LTBP4: variants seen among roughly 807,000 people sequenced by gnomAD.
The protein encoded by LTBP4 is latent transforming growth factor beta binding protein 4.
A neutral mutation model predicts 180.2 loss-of-function variants in LTBP4; 93 were observed. The observed-to-expected ratio is 0.52, with a 90% CI of 0.44 to 0.61. The LOEUF (loss-of-function observed/expected upper bound fraction) is 0.61, where lower values mean the gene tolerates loss of function less well. Ranked by LOEUF, LTBP4 falls within the 20% of genes least tolerant of loss-of-function variation. The pLI is 0.00. For missense variants in LTBP4, 2,116 were observed against 2,256.5 expected (o/e 0.94, Z 1.26); for synonymous variants, 947 against 934.5 (o/e 1.01, Z -0.24).
chr19:40,624,684 C>T (rs540885024), intron 26 of LTBP4, among the ~76,000 whole-genome samples: 1 of 152,262 alleles, frequency 6.6e-6, no homozygotes, highest in South Asian at 2.1e-4. Context: ...CAGGTGTGAG[C>T]CACCACACCT....
intron 1 of LTBP4, among the ~76,000 whole-genome samples, chr19:40,602,426 C>T (rs1276487155): frequency 1.3e-5 from 2 of 152,036 alleles, no homozygotes; most frequent in African/African-American, 2.4e-5. Flanking sequence ...ATCGGGCCTT[C>T]CTGCCCCCTA....
Position 40,601,575 on chromosome 19 carries a change from C to A in LTBP4, c.188C>A (p.Ala63Asp). ...RCTPTCAPRN[A>D]TSVDSGAPGG... ...ACCCCGACCTGCGCGCCCCGCAACG[C>A]CACCAGCGTGGACAGCGGCGCTCCC... The change falls in exon 1 of 30, where the codon GCC (alanine) becomes GAC (aspartate). Residue 63 changes from alanine to aspartate, a missense_variant. This residue lies in a region of LTBP4 where 469 missense variants were observed against 532.5 expected (regional missense o/e 0.88). Transcript: ENST00000396819. 1.4e-6 allele frequency: 2 copies of A among 1,467,030 alleles called. No homozygotes were observed. The highest frequency in any genetic ancestry group is 1.8e-6 in the Non-Finnish European group (2 of 1,115,142). 90.9% of individuals were successfully genotyped at this position (1,467,030 alleles called of 1,614,324 possible). A position where few individuals can be genotyped will look rare whatever the true frequency, so the allele number is the denominator to read the frequency against.
In LTBP4 at chr19:40,593,828, C is replaced by T. The variant is rs568455757; in HGVS notation, c.16+647C>T. Among the ~76,000 whole-genome samples, 6 of 151,722 alleles carry T rather than the reference C, an allele frequency of 4.0e-5. No individual in the cohort carries two copies. The South Asian group carries it at 1.2e-3, about 32-fold the overall frequency. On this transcript the variant is annotated intron_variant, in intron 1 of 32. Transcript: ENST00000204005. ...CTTTTTTTTGAGACAGGGTCTTTCTCTGTTGCCCGGGTTGGAGTGCAGTGG... is the reference window on the plus strand; with the variant it reads ...CTTTTTTTTGAGACAGGGTCTTTCTTTGTTGCCCGGGTTGGAGTGCAGTGG...
At position 40,623,466 on chromosome 19, in the gene LTBP4, C is replaced by T. The variant is rs1013486003; in HGVS notation, c.3557-138C>T. On this transcript the variant is annotated intron_variant, in intron 24 of 29. Transcript: ENST00000396819. ...CTGGGATTTCAGGCATGAGCCACCG[C>T]TCCTGGCCTCTCCATCTTTCTTTCC... is the stretch of plus-strand genomic sequence containing the variant. The T allele has an allele frequency of 7.9e-6, 9 of 1,136,296 alleles. No homozygotes were observed. The African/African-American group carries it at 1.2e-4, about 16-fold the overall frequency. 70.4% of individuals were successfully genotyped at this position (1,136,296 alleles called of 1,614,324 possible).
At chr19:40,614,183 C>G in intron 18 of LTBP4, 132 bp from the exon 19 acceptor site, 1 of 1,443,716 alleles carries the variant, frequency 6.9e-7, no homozygotes, top group Non-Finnish European at 9.4e-7. Flanking sequence ...CCCAACTCTC[C>G]TCTACCCCAA....
rs2081664406 is a variant in LTBP4, at chr19:40,629,642, C to T, written c.*92C>T. On this transcript the variant is annotated 3_prime_UTR_variant, in exon 30 of 30. Coordinates refer to ENST00000396819, the MANE Select transcript of LTBP4 (RefSeq NM_001042545.2). This position sits in a 1 kb window ranked among gnomAD's most constrained non-coding sequence, Gnocchi z 4.5. ...CCGCTTATGCGTATGTGCACGGGGC[C>T]GCCCGCCTGGACCTGGAGAAGGGAC... The T allele has an allele frequency of 3.2e-6, 4 of 1,238,284 alleles. No homozygotes were observed. The highest frequency in any genetic ancestry group is 4.1e-6 in the Non-Finnish European group (4 of 974,754). The allele number at this position is 1,238,284 out of a possible 1,614,324, so 76.7% of individuals were successfully genotyped here.
intron 19 of LTBP4, among the ~76,000 whole-genome samples, chr19:40,616,299 AAG>A (rs1328731633): frequency 7.0e-6 from 1 of 143,350 alleles, no homozygotes; most frequent in Non-Finnish European, 1.5e-5. Flanking sequence ...ATTTAAAAAA[AAG>A]AAAAAAAAGC....
chr19:40,601,404 G>C lies in LTBP4; in HGVS notation c.17G>C (p.Arg6Pro). MAGGV[R>P]LLWVSLLVLL... is the part of the protein sequence containing the mutation. ...GCTGCAGCCATGGCGGGCGGCGTGC[G>C]GCTGCTCTGGGTGTCGCTATTGGTG... The change falls in exon 1 of 30, where the codon CGG (arginine) becomes CCG (proline). Residue 6 changes from arginine (R) to proline (P), a missense_variant. This residue lies in a region of LTBP4 where 469 missense variants were observed against 532.5 expected (regional missense o/e 0.88). Coordinates refer to ENST00000396819, the MANE Select transcript of LTBP4 (RefSeq NM_001042545.2). 1 of 1,339,292 alleles carries C rather than the reference G, an allele frequency of 7.5e-7. No homozygotes were observed. The highest frequency in any genetic ancestry group is 9.6e-7 in the Non-Finnish European group (1 of 1,038,542). 83.0% of individuals were successfully genotyped at this position (1,339,292 alleles called of 1,614,324 possible). A position where few individuals can be genotyped will look rare whatever the true frequency, so the allele number is the denominator to read the frequency against.
Position 40,611,881 on chromosome 19 carries a change from C to T in LTBP4, c.2076C>T (p.Ser692=), listed in dbSNP as rs1174388799. The T allele has an allele frequency of 1.2e-6, 2 of 1,607,830 alleles. No individual in the cohort carries two copies. The highest frequency in any genetic ancestry group is 1.3e-5 in the African/African-American group (1 of 74,766). ...PCQDVDECAR[S]PPPCTYGRCE... Reference sequence around the variant, plus strand: ...CAGATGTGGATGAGTGTGCCCGAAGCCCCCCACCCTGCACCTACGGCCGGT... The same window carrying T: ...CAGATGTGGATGAGTGTGCCCGAAGTCCCCCACCCTGCACCTACGGCCGGT... The change falls in exon 14 of 30, where the codon AGC becomes AGT. Residue 692 remains serine, a synonymous_variant. Transcript: ENST00000396819. The surrounding 1 kb of genome is among the most constrained non-coding windows in gnomAD (Gnocchi z 4.4).
chr19:40,619,324 C>T, intron 21 of LTBP4, 23 bp from the exon 22 acceptor site: 1 of 1,610,710 alleles, frequency 6.2e-7, no homozygotes, highest in Non-Finnish European at 8.5e-7. Context: ...GAGTCCCTCT[C>T]CCCTGTTGTC....
intron 22 of LTBP4, among the ~76,000 whole-genome samples, chr19:40,620,973 C>T (rs556636684): frequency 6.6e-6 from 1 of 151,114 alleles, no homozygotes; most frequent in Non-Finnish European, 1.5e-5. Context: ...CGGAGTTTTG[C>T]TCTTGTTGCC....
chr19:40,625,687 A>G (rs549778084), intron 26 of LTBP4, among the ~76,000 whole-genome samples, 170 bp from the exon 27 acceptor site: 10 of 152,126 alleles, frequency 6.6e-5, no homozygotes, highest in African/African-American at 1.9e-4. Flanking sequence ...TTGTTCCTCA[A>G]TCCAGAACCC....
At chr19:40,602,419 G>C (rs528585722) in intron 1 of LTBP4, among the ~76,000 whole-genome samples, 2 of 152,122 alleles carry the variant, frequency 1.3e-5, no homozygotes, top group South Asian at 2.1e-4. Flanking sequence ...CTCTGGGATC[G>C]GGCCTTCCTG....
chr19:40,627,812 T>G lies in LTBP4; in HGVS notation c.4474T>G (p.Cys1492Gly), dbSNP rs1329042374. ...CGTCCCCGAAGGCTTCACCTGCCGT[T>G]GCTTCGACGGCTACCGCCTGGACAT... is the stretch of plus-strand genomic sequence containing the variant. ...VRVPEGFTCR[C>G]FDGYRLDMTR... Residue 1492 changes from cysteine to glycine, a missense_variant, in exon 29 of 30, where the codon TGC (cysteine) becomes GGC (glycine). This residue lies in a region of LTBP4 where 488 missense variants were observed against 458.8 expected (regional missense o/e 1.06). Transcript: ENST00000396819. 6.4e-7 allele frequency: 1 copy of G among 1,572,128 alleles called. No homozygotes were observed. Among genetic ancestry groups the G allele is most frequent in the Non-Finnish European group, 8.6e-7 (1 of 1,164,040 alleles).
In LTBP4 at chr19:40,608,503, C is replaced by T; in HGVS notation, c.1326C>T (p.Arg442=). The change falls in exon 9 of 30, where the codon CGC becomes CGT. Residue 442 remains arginine (R), a synonymous_variant. Transcript: ENST00000396819. ...TATCAGGCTTTCTGCCCACCCATCG[C>T]CTGGAGCCCCGGCCTGAACCCCGGC... ...RPSAGFLPTH[R]LEPRPEPRPD... 3.7e-6 allele frequency: 6 copies of T among 1,605,522 alleles called. No homozygotes were observed. The highest frequency in any genetic ancestry group is 5.1e-6 in the Non-Finnish European group (6 of 1,176,248).
In LTBP4 at chr19:40,625,918, G is replaced by C; in HGVS notation, c.3894G>C (p.Arg1298=). Reference sequence around the variant, plus strand: ...CTGACCTCGTGTGCAGCCACCCTCGGCTGGACCGTCAGGCCACCTACACAG... The same window carrying C: ...CTGACCTCGTGTGCAGCCACCCTCGCCTGGACCGTCAGGCCACCTACACAG... The part of the protein sequence containing the change: ...VGADLVCSHP[R]LDRQATYTEC... The change falls in exon 27 of 30, where the codon CGG becomes CGC. Residue 1298 remains arginine, a synonymous_variant. Transcript: ENST00000396819. 2 of 1,603,784 alleles carry C rather than the reference G, an allele frequency of 1.2e-6. No individual in the cohort carries two copies.
Position 40,611,790 on chromosome 19 carries a change from G to A in LTBP4, c.2054-69G>A. On this transcript the variant is annotated intron_variant, in intron 13 of 29. Transcript: ENST00000396819. This position sits in a 1 kb window ranked among gnomAD's most constrained non-coding sequence, Gnocchi z 4.4. ...GCAGGCTCAAGACTGGAATGCTGGG[G>A]TGGGTGGTGATGGCCATGGGAATGG... 6.5e-7 allele frequency: 1 copy of A among 1,541,680 alleles called. No individual in the cohort carries two copies.
Position 40,601,419 on chromosome 19 carries a change from C to A in LTBP4, c.32C>A (p.Ser11Ter), listed in dbSNP as rs1035134389. 9.1e-6 allele frequency: 13 copies of A among 1,422,602 alleles called. No homozygotes were observed. Among genetic ancestry groups the A allele is most frequent in the Non-Finnish European group, 9.2e-6 (10 of 1,086,160 alleles). 88.1% of individuals were successfully genotyped at this position (1,422,602 alleles called of 1,614,324 possible). The change falls in exon 1 of 30, where the codon TCG becomes TAG. Residue 11 changes from serine (S) to a stop codon, truncating the protein, a stop_gained. Coordinates refer to ENST00000396819, the MANE Select transcript of LTBP4 (RefSeq NM_001042545.2). LOFTEE classifies it high-confidence loss of function. Reference protein sequence around the residue: MAGGVRLLWVSLLVLLAQLGP... With the variant: MAGGVRLLWV The stretch of plus-strand genomic sequence containing the variant: ...GGCGGCGTGCGGCTGCTCTGGGTGT[C>A]GCTATTGGTGCTGCTGGCGCAGCTA...
intron 11 of LTBP4, 157 bp from the exon 12 acceptor site, chr19:40,610,375 C>G: frequency 2.4e-6 from 2 of 817,590 alleles, no homozygotes; most frequent in South Asian, 3.6e-5. Flanking sequence ...ACAATTGCCT[C>G]TCTCACTGTG....
Sources: gnomAD v4.1 joint callset for allele counts (sites outside exome capture counted in the v4.1 genomes callset) on GRCh38, gnomAD v4.1.1 for gene constraint, gnomAD v4.1.1 regional missense constraint, Gnocchi (gnomAD v3.1) non-coding constraint, MANE v1.5 for transcripts, NCBI Gene and HGNC (gene_info 2026-07-23, HGNC 2026-07-21) for gene names.